BCR: variants seen among roughly 807,000 people sequenced by gnomAD.
BCR encodes breakpoint cluster region protein.
A neutral mutation model predicts 138.6 loss-of-function variants in BCR; 58 were observed. That is an observed-to-expected ratio of 0.42 (90% confidence interval 0.34 to 0.52). The LOEUF (loss-of-function observed/expected upper bound fraction) is 0.52, where lower values mean the gene tolerates loss of function less well. BCR is among the 20% of genes least tolerant of loss of function. The pLI is 0.06. For missense variants in BCR, 1,599 were observed against 1,727.2 expected (o/e 0.93, Z 1.32); for synonymous variants, 786 against 730.1 (o/e 1.08, Z -1.23).
At chr22:23,269,594 G>A (rs1946004246) in intron 5 of BCR, among the ~76,000 whole-genome samples, 1 of 152,208 alleles carries the variant, frequency 6.6e-6, no homozygotes, top group South Asian at 2.1e-4. Flanking sequence ...CTGCCGCTCT[G>A]TTCTTCCAGA....
chr22:23,214,055 C>CA lies in BCR; in HGVS notation c.1279+31824dup, dbSNP rs769123428. ...CTGTGAAGATTAGAGATGAGGTGTG[C>CA]AAAAAAAAGCACCTAGCGTGGCTGC... On this transcript the variant is annotated intron_variant, in intron 1 of 22. Coordinates refer to ENST00000305877, the MANE Select transcript of BCR (RefSeq NM_004327.4). Among the ~76,000 whole-genome samples, 114 of 151,834 alleles carry CA rather than the reference C, an allele frequency of 7.5e-4. 1 individual carries two copies. Among genetic ancestry groups the CA allele is most frequent in the Non-Finnish European group, 1.0e-3 (71 of 67,898 alleles).
chr22:23,224,604 G>A (rs1040917681), intron 1 of BCR, among the ~76,000 whole-genome samples: 17 of 152,148 alleles, frequency 1.1e-4, no homozygotes, highest in African/African-American at 4.1e-4. Context: ...CTGAGAGGCC[G>A]GGGGCTGTAG....
At chr22:23,205,536 T>G (rs1489248655) in intron 1 of BCR, among the ~76,000 whole-genome samples, 1 of 152,210 alleles carries the variant, frequency 6.6e-6, no homozygotes, top group Non-Finnish European at 1.5e-5. Context: ...CCTTGCTCTA[T>G]TTCTGCAAGG....
chr22:23,200,086 CA>C (rs112561203), intron 1 of BCR, among the ~76,000 whole-genome samples: 5,057 of 103,904 alleles, frequency 0.049, 265 homozygotes, highest in African/African-American at 0.14. Flanking sequence ...GACTGCGTCT[CA>C]AAAAAAAAAA....
At chr22:23,274,682 G>A (rs929571643) in intron 8 of BCR, among the ~76,000 whole-genome samples, 7 of 152,054 alleles carry the variant, frequency 4.6e-5, no homozygotes, top group Non-Finnish European at 1.0e-4. Flanking sequence ...GGCCTAGGCG[G>A]GTGGATCAGG....
chr22:23,254,172 G>A (rs961558920), intron 2 of BCR, among the ~76,000 whole-genome samples, 192 bp downstream of exon 2: 7 of 152,284 alleles, frequency 4.6e-5, no homozygotes, highest in Admixed American at 2.6e-4. Flanking sequence ...TGATCAGGGA[G>A]ATCGGGGGAT....
chr22:23,186,156 G>C (rs2072340339), intron 1 of BCR, among the ~76,000 whole-genome samples: 1 of 152,216 alleles, frequency 6.6e-6, no homozygotes, highest in Non-Finnish European at 1.5e-5. Context: ...AAGAGGACTT[G>C]ATCAGTCACC....
At position 23,181,941 on chromosome 22, in the gene BCR, C is replaced by G. The variant is rs1352182038; in HGVS notation, c.981C>G (p.Gly327=). 1 of 1,612,956 alleles carries G rather than the reference C, an allele frequency of 6.2e-7. No individual in the cohort carries two copies. Among genetic ancestry groups the G allele is most frequent in the South Asian group, 1.1e-5 (1 of 91,046 alleles). The change falls in exon 1 of 23, where the codon GGC becomes GGG. Residue 327 remains glycine (G), a synonymous_variant. Transcript: ENST00000305877. ...SPRSFEDCGG[G]YTPDCSSNEN... ...GGAGTTTTGAGGATTGCGGAGGCGG[C>G]TATACCCCGGACTGCAGCTCCAATG...
chr22:23,226,325 A>T lies in BCR; in HGVS notation c.1280-27474A>T, dbSNP rs2330347. Among the ~76,000 whole-genome samples, 425 of 50,450 alleles carry T rather than the reference A, an allele frequency of 8.4e-3. 2 individuals are homozygous for T. Among genetic ancestry groups the T allele is most frequent in the African/African-American group, 0.02 (397 of 19,482 alleles). 33.1% of individuals were successfully genotyped at this position (50,450 alleles called of 152,430 possible). A position where few individuals can be genotyped will look rare whatever the true frequency, so the allele number is the denominator to read the frequency against. ...GTGTATGAGAGAGAGAGAGAGAGAG[A>T]GAGTGTGTGTGTGTGTGTGTGTGTG... is the stretch of plus-strand genomic sequence containing the variant. On this transcript the variant is annotated intron_variant, in intron 1 of 22. Coordinates refer to ENST00000305877, the MANE Select transcript of BCR (RefSeq NM_004327.4).
intron 1 of BCR, among the ~76,000 whole-genome samples, chr22:23,190,096 C>T (rs1411084272): frequency 1.3e-5 from 2 of 152,226 alleles, no homozygotes; most frequent in Non-Finnish European, 2.9e-5. Context: ...GTGCCATGGT[C>T]TTGCTGCCTC....
At chr22:23,231,299 G>A (rs1158098068) in intron 1 of BCR, among the ~76,000 whole-genome samples, 2 of 151,956 alleles carry the variant, frequency 1.3e-5, no homozygotes, top group Non-Finnish European at 2.9e-5. Context: ...CTTGAGGCCA[G>A]GAGTTTGAGA....
In BCR at chr22:23,180,591, C is replaced by CGGCGGCGGCGGCGGCGGCG. The variant is rs1555958114; in HGVS notation, c.-370_-369insGGCGGCGGCGGCGGCGGCG. The CGGCGGCGGCGGCGGCGGCG allele has an allele frequency of 7.3e-5, 2 of 27,550 alleles. No individual in the cohort carries two copies. The highest frequency in any genetic ancestry group is 9.5e-5 in the Non-Finnish European group (2 of 21,014). The allele number at this position is 27,550 out of a possible 1,614,324, so 1.7% of individuals were successfully genotyped here. A position where few individuals can be genotyped will look rare whatever the true frequency, so the allele number is the denominator to read the frequency against. On this transcript the variant is annotated 5_prime_UTR_variant, in exon 1 of 23. Coordinates refer to ENST00000305877, the MANE Select transcript of BCR (RefSeq NM_004327.4). ...GAGGAGGCGGCGGCGGCGGCGGCGGCACGGCGGCGGCGGGGCTGTGGGGCG... is the reference window on the plus strand; with the variant it reads ...GAGGAGGCGGCGGCGGCGGCGGCGGCGGCGGCGGCGGCGGCGGCGACGGCGGCGGCGGGGCTGTGGGGCG...
In BCR at chr22:23,287,295, C is replaced by T. The variant is rs765815862; in HGVS notation, c.2526+17C>T. On this transcript the variant is annotated intron_variant, in intron 11 of 22. Transcript: ENST00000305877. ...AACGGCAAGGTGAGCGCCTGCTGTT[C>T]CGGCCCCTCCTGCTCTCCTGGCCTG... 6.6e-7 allele frequency: 1 copy of T among 1,522,576 alleles called. No homozygotes were observed. Among genetic ancestry groups the T allele is most frequent in the Non-Finnish European group, 8.8e-7 (1 of 1,132,694 alleles). 94.3% of individuals were successfully genotyped at this position (1,522,576 alleles called of 1,614,324 possible). A position where few individuals can be genotyped will look rare whatever the true frequency, so the allele number is the denominator to read the frequency against.
chr22:23,257,872 C>T (rs1181214138), intron 2 of BCR, among the ~76,000 whole-genome samples: 5 of 152,180 alleles, frequency 3.3e-5, no homozygotes, highest in South Asian at 2.1e-4. Flanking sequence ...TTCATAAAAA[C>T]GCAGCCAACA....
At chr22:23,314,738 C>T (rs780148222) in intron 22 of BCR, 24 bp downstream of exon 22, 2 of 1,611,644 alleles carry the variant, frequency 1.2e-6, no homozygotes, top group Admixed American at 3.3e-5. Flanking sequence ...GGCTCCAGCC[C>T]ATGCAACCCT....
At chr22:23,267,833 G>A (rs907821084) in intron 4 of BCR, among the ~76,000 whole-genome samples, 6 of 152,188 alleles carry the variant, frequency 3.9e-5, no homozygotes, top group South Asian at 2.1e-4. Context: ...CCTTACAGCC[G>A]GTCGGTCTCC....
intron 1 of BCR, among the ~76,000 whole-genome samples, chr22:23,240,568 G>A (rs1024681748): frequency 2.0e-5 from 3 of 151,814 alleles, no homozygotes; most frequent in Admixed American, 6.6e-5. Context: ...GGAGAATGGC[G>A]TGAACCCAGG....
In BCR at chr22:23,253,879, CCCTA is replaced by C; in HGVS notation, c.1362_1365del (p.Tyr455LeufsTer43). On this transcript the variant is annotated frameshift_variant, in exon 2 of 23. Coordinates refer to ENST00000305877, the MANE Select transcript of BCR (RefSeq NM_004327.4). LOFTEE classifies it high-confidence loss of function. ...GCAGCGCCGGCACCAAGATGGGCTGCCCTACATTGATGACTCGCCCTCCTCATCG... is the reference window on the plus strand; with the variant it reads ...GCAGCGCCGGCACCAAGATGGGCTGCCATTGATGACTCGCCCTCCTCATCG... The C allele has an allele frequency of 6.2e-7, 1 of 1,613,206 alleles. No individual in the cohort carries two copies. The highest frequency in any genetic ancestry group is 8.5e-7 in the Non-Finnish European group (1 of 1,180,008).
At chr22:23,296,251 GTAGTCCCAGC>G (rs2073843713) in intron 16 of BCR, among the ~76,000 whole-genome samples, 2 of 151,994 alleles carry the variant, frequency 1.3e-5, no homozygotes, top group Non-Finnish European at 2.9e-5. Flanking sequence ...GCGGGTGCCT[GTAGTCCCAGC>G]TACTCGGGAG....
Sources: allele counts gnomAD v4.1 joint callset (sites outside exome capture counted in the v4.1 genomes callset), GRCh38; gene constraint gnomAD v4.1.1; transcripts MANE v1.5; gene names NCBI Gene and HGNC (gene_info 2026-07-23, HGNC 2026-07-21).